UGT1A10: variants seen among roughly 807,000 people sequenced by gnomAD.
UGT1A10 encodes UDP glucuronosyltransferase family 1 member A10.
In UGT1A10, 49 loss-of-function variants were observed where a neutral mutation model predicts 45.8. The observed-to-expected ratio is 1.07, with a 90% CI of 0.85 to 1.36. UGT1A10 has a LOEUF of 1.36. UGT1A10 is among the 40% of genes most tolerant of loss of function. The pLI, the probability that UGT1A10 is intolerant of heterozygous loss-of-function variation, is 0.00. For missense variants in UGT1A10, 745 were observed against 668.6 expected (o/e 1.11, Z -1.26); for synonymous variants, 284 against 249.7 (o/e 1.14, Z -1.29).
intron 1 of UGT1A10, among the ~76,000 whole-genome samples, chr2:233,653,648 GT>G (rs1209279666): frequency 2.6e-5 from 4 of 152,208 alleles, no homozygotes; most frequent in African/African-American, 9.7e-5. Flanking sequence ...CTATGCTGGA[GT>G]GCAGTGGTGC....
chr2:233,671,513 T>C (rs1242254511), intron 1 of UGT1A10, among the ~76,000 whole-genome samples: 1 of 152,222 alleles, frequency 6.6e-6, no homozygotes, highest in Non-Finnish European at 1.5e-5. Flanking sequence ...CCATCTTCTC[T>C]GGACAGAGAG....
At chr2:233,768,527 T>C in intron 4 of UGT1A10, 88 bp downstream of exon 4, 2 of 1,515,488 alleles carry the variant, frequency 1.3e-6, no homozygotes, top group South Asian at 2.6e-5. Context: ...TAGCATTTAA[T>C]AGCGTTGTTT....
intron 1 of UGT1A10, among the ~76,000 whole-genome samples, chr2:233,752,060 G>T (rs1330346161): frequency 6.6e-6 from 1 of 152,256 alleles, no homozygotes; most frequent in East Asian, 1.9e-4. Context: ...ATGATTTCCC[G>T]AGATGGGGAA....
At chr2:233,764,280 C>T (rs917844974) in intron 1 of UGT1A10, among the ~76,000 whole-genome samples, 5 of 151,996 alleles carry the variant, frequency 3.3e-5, no homozygotes, top group African/African-American at 1.2e-4. Flanking sequence ...TTGGTCATTC[C>T]GGTAACTGTG....
intron 1 of UGT1A10, among the ~76,000 whole-genome samples, chr2:233,728,589 C>T (rs2077730663): frequency 1.3e-5 from 2 of 152,316 alleles, no homozygotes; most frequent in South Asian, 2.1e-4. Context: ...ACGACCAAAA[C>T]CACATAGCCA....
intron 1 of UGT1A10, among the ~76,000 whole-genome samples, chr2:233,686,266 A>G (rs1342619965): frequency 6.6e-6 from 1 of 151,776 alleles, no homozygotes; most frequent in Non-Finnish European, 1.5e-5. Context: ...TTTTTCTTGT[A>G]CCAAAAGTAC....
chr2:233,757,415 G>A (rs918647470), intron 1 of UGT1A10, among the ~76,000 whole-genome samples: 20 of 151,366 alleles, frequency 1.3e-4, no homozygotes, highest in Admixed American at 1.1e-3. Flanking sequence ...GGTCTAGAAC[G>A]AAAAGAGAAG....
At chr2:233,771,047 T>C (rs1700228624) in intron 4 of UGT1A10, 1 of 152,132 alleles carries the variant, frequency 6.6e-6, no homozygotes, top group South Asian at 2.1e-4. Flanking sequence ...TGCCACACAC[T>C]TTTTAATGAC....
At chr2:233,641,400 CTT>C (rs1246246963) in intron 1 of UGT1A10, among the ~76,000 whole-genome samples, 1 of 152,146 alleles carries the variant, frequency 6.6e-6, no homozygotes, top group Non-Finnish European at 1.5e-5. Context: ...AGAAACTAGT[CTT>C]AACTTTGCTC....
intron 1 of UGT1A10, among the ~76,000 whole-genome samples, chr2:233,643,465 C>G (rs567716288): frequency 7.9e-5 from 12 of 152,066 alleles, no homozygotes; most frequent in Non-Finnish European, 1.5e-4. Context: ...CCCCTCTATC[C>G]CAGGGGAGCT....
chr2:233,672,117 G>A (rs764796781), intron 1 of UGT1A10: 2 of 1,614,166 alleles, frequency 1.2e-6, no homozygotes, highest in Non-Finnish European at 1.7e-6. Flanking sequence ...TCATGCCAGA[G>A]GTGAGTTGGC....
intron 1 of UGT1A10, chr2:233,689,923 C>T (rs945044389): frequency 2.2e-6 from 1 of 456,518 alleles, no homozygotes; most frequent in African/African-American, 2.0e-5. Flanking sequence ...CTGGAATTTC[C>T]TTCGAAAGAA....
intron 1 of UGT1A10, among the ~76,000 whole-genome samples, chr2:233,688,946 C>A (rs909288341): frequency 6.6e-6 from 1 of 152,150 alleles, no homozygotes; most frequent in Non-Finnish European, 1.5e-5. Flanking sequence ...CAGCATGAAG[C>A]CAAATGTTTG....
chr2:233,755,000 G>C, intron 1 of UGT1A10: 1 of 1,293,096 alleles, frequency 7.7e-7, no homozygotes, highest in Non-Finnish European at 1.0e-6. Flanking sequence ...GGAAGCTGAA[G>C]ACCTACTCGA....
In UGT1A10 at chr2:233,767,150, C is replaced by A. The variant is rs1699320624; in HGVS notation, c.972C>A (p.Gly324=). 4 of 1,613,942 alleles carry A rather than the reference C, an allele frequency of 2.5e-6. No individual in the cohort carries two copies. The highest frequency in any genetic ancestry group is 1.6e-4 in the Middle Eastern group (1 of 6,082). Residue 324 remains glycine (G), a synonymous_variant, in exon 2 of 5, where the codon GGC becomes GGA. Coordinates refer to ENST00000344644, the MANE Select transcript of UGT1A10 (RefSeq NM_019075.4). The part of the protein sequence containing the change: ...KKAMAIADAL[G]KIPQTVLWRY... ...CTATGGCAATTGCTGATGCTTTGGG[C>A]AAAATCCCTCAGACAGTAAGAAGAT...
chr2:233,683,560 T>A (rs1408548719), intron 1 of UGT1A10, among the ~76,000 whole-genome samples: 3 of 152,212 alleles, frequency 2.0e-5, no homozygotes, highest in African/African-American at 7.2e-5. Flanking sequence ...GGCCTTCTTT[T>A]GCTATTACAT....
At chr2:233,763,105 T>C (rs1443643010) in intron 1 of UGT1A10, among the ~76,000 whole-genome samples, 1 of 152,254 alleles carries the variant, frequency 6.6e-6, no homozygotes, top group Non-Finnish European at 1.5e-5. Context: ...GGCACCGAAC[T>C]TTATCAGCTG....
intron 1 of UGT1A10, among the ~76,000 whole-genome samples, chr2:233,686,849 C>G (rs1224138854): frequency 6.6e-6 from 1 of 152,172 alleles, no homozygotes; most frequent in Middle Eastern, 3.2e-3. Context: ...TCCTTCCCCA[C>G]CTATGTCTTT....
At chr2:233,643,981 C>A (rs1408739744) in intron 1 of UGT1A10, among the ~76,000 whole-genome samples, 1 of 152,130 alleles carries the variant, frequency 6.6e-6, no homozygotes, top group African/African-American at 2.4e-5. Context: ...AGGAAAGGGT[C>A]TCTTTTGGAG....
Sources: allele counts gnomAD v4.1 joint callset (sites outside exome capture counted in the v4.1 genomes callset), GRCh38; gene constraint gnomAD v4.1.1; transcripts MANE v1.5; gene names NCBI Gene and HGNC (gene_info 2026-07-23, HGNC 2026-07-21).